UNC45B: variants seen among roughly 807,000 people sequenced by gnomAD.
UNC45B encodes protein unc-45 homolog B.
In UNC45B, 78 loss-of-function variants were observed where a neutral mutation model predicts 98.7. That is an observed-to-expected ratio of 0.79 (90% CI 0.66 to 0.95). UNC45B has a LOEUF of 0.95. Among genes scored for constraint, UNC45B ranks in the 40% least tolerant of loss-of-function variants. The pLI is 0.00. For missense variants in UNC45B, 1,225 were observed against 1,184.9 expected, an observed-to-expected ratio of 1.03 and a Z score of -0.50; for synonymous variants, 462 against 480.4, an observed-to-expected ratio of 0.96 and a Z score of 0.50.
chr17:35,177,449 G>A (rs139799473), intron 16 of UNC45B, 46 bp from the exon 17 acceptor site: 1 of 1,427,362 alleles, frequency 7.0e-7, no homozygotes, highest in Non-Finnish European at 9.6e-7. Context: ...AGGCACTCAG[G>A]GAACAAAGTC....
At chr17:35,157,449 G>A (rs1363930557) in intron 7 of UNC45B, among the ~76,000 whole-genome samples, 1 of 152,040 alleles carries the variant, frequency 6.6e-6, no homozygotes, top group Non-Finnish European at 1.5e-5. Context: ...TGATCCGCCC[G>A]CCTCTGCCTC....
rs527582609 is a variant in UNC45B at position 35,174,465 on chromosome 17, C to T, written c.1958+96C>T. 1.8e-3 allele frequency: 2,754 copies of T among 1,519,262 alleles called. 5 individuals carry two copies. Among genetic ancestry groups the T allele is most frequent in the Middle Eastern group, 5.5e-3 (24 of 4,392 alleles). 94.1% of individuals were successfully genotyped at this position (1,519,262 alleles called of 1,614,324 possible). A position where few individuals can be genotyped will look rare whatever the true frequency, so the allele number is the denominator to read the frequency against. On this transcript the variant is annotated intron_variant, in intron 14 of 19. Transcript: ENST00000394570. ...GCAGGGAGATAGAAATGGTGGGGGC[C>T]TAAATGAGGAGATAAACTATTGGGA...
intron 19 of UNC45B, among the ~76,000 whole-genome samples, chr17:35,184,301 A>C (rs979871405): frequency 6.6e-6 from 1 of 152,204 alleles, no homozygotes; most frequent in Non-Finnish European, 1.5e-5. Flanking sequence ...CTCATCCTGC[A>C]TGGTCTTTGG....
At chr17:35,154,840 C>A in intron 6 of UNC45B, 99 bp downstream of exon 6, 1 of 1,331,498 alleles carries the variant, frequency 7.5e-7, no homozygotes, top group East Asian at 2.7e-5. Flanking sequence ...TCAATGGAAC[C>A]AGATAAAAAG....
rs775569849 is a variant in UNC45B at position 35,177,124 on chromosome 17, G to A, written c.2133G>A (p.Gly711=). 1.2e-6 allele frequency: 2 copies of A among 1,614,078 alleles called. No homozygotes were observed. The highest frequency in any genetic ancestry group is 1.3e-5 in the African/African-American group (1 of 75,022). The change falls in exon 16 of 20, where the codon GGG becomes GGA. Residue 711 remains glycine (G), a synonymous_variant. Coordinates refer to ENST00000394570, the MANE Select transcript of UNC45B (RefSeq NM_001267052.2). ...AVSNPDIAFP[G]ERVYEVVRPL... The stretch of plus-strand genomic sequence containing the variant: ...CCAATCCGGACATTGCTTTTCCTGG[G>A]GAGCGGGTAGGTGCTTGGGTAGATG...
At position 35,155,448 on chromosome 17, in the gene UNC45B, G is replaced by T. The variant is rs753557183; in HGVS notation, c.792G>T (p.Glu264Asp). ...ACAAGCGGGAGCATCGAGGGAAGGA[G>T]GAGGCCCTGGTTCTAGGTAGGAAAC... ...GEDKREHRGKEEALVLDTKKD... is the reference protein window; with the variant it reads ...GEDKREHRGKDEALVLDTKKD... Residue 264 changes from glutamate (E) to aspartate (D), a missense_variant, in exon 7 of 20, where the codon GAG becomes GAT. By Grantham distance (45) the Glu-to-Asp change is conservative. Transcript: ENST00000394570. 7 of 1,614,040 alleles carry T rather than the reference G, an allele frequency of 4.3e-6. No individual in the cohort carries two copies. The African/African-American group carries it at 9.3e-5, about 22-fold the overall frequency.
Position 35,159,329 on chromosome 17 carries a change from G to A in UNC45B, c.809-46G>A, listed in dbSNP as rs1287640582. On this transcript the variant is annotated intron_variant, in intron 7 of 19. Coordinates refer to ENST00000394570, the MANE Select transcript of UNC45B (RefSeq NM_001267052.2). ...CTGCTCTTCTTGGTCATATATATGT[G>A]AGATTTCCTACCCCTCTCTACTTAC... 6.4e-6 allele frequency: 10 copies of A among 1,556,956 alleles called. No individual in the cohort carries two copies. In the East Asian group the frequency reaches 2.3e-4, roughly 35 times the overall value.
rs976481838 is a variant in UNC45B, at chr17:35,169,905, A to G, written c.1521A>G (p.Thr507=). 20 of 1,614,204 alleles carry G rather than the reference A, an allele frequency of 1.2e-5. No individual in the cohort carries two copies. Among genetic ancestry groups the G allele is most frequent in the Non-Finnish European group, 1.5e-5 (18 of 1,180,044 alleles). ...TCAGGCAGTTTGCGGAAGGGTCGAC[A>G]GAAAAACTGGCCAAACAGTGTCGCA... The part of the protein sequence containing the change: ...YGLRQFAEGS[T]EKLAKQCRKW... Residue 507 remains threonine, a synonymous_variant, in exon 11 of 20, where the codon ACA becomes ACG. Transcript: ENST00000394570.
chr17:35,170,383 AT>A, intron 12 of UNC45B, 128 bp downstream of exon 12: 1 of 1,175,592 alleles, frequency 8.5e-7, no homozygotes, highest in Non-Finnish European at 1.1e-6. Context: ...ATGATTGGTT[AT>A]TTCCCCCTTT....
intron 4 of UNC45B, 63 bp downstream of exon 4, chr17:35,150,286 ATGGGTTAGGGAGG>A (rs1597903274): frequency 1.3e-6 from 2 of 1,551,046 alleles, no homozygotes; most frequent in East Asian, 4.5e-5. Flanking sequence ...CCTAGTAGGA[ATGGGTTAGGGAGG>A]TGGGTCATCA....
At position 35,154,652 on chromosome 17, in the gene UNC45B, C is replaced by G; in HGVS notation, c.550C>G (p.Leu184Val). 1.9e-6 allele frequency: 3 copies of G among 1,613,488 alleles called. No individual in the cohort carries two copies. The highest frequency in any genetic ancestry group is 2.5e-6 in the Non-Finnish European group (3 of 1,179,856). Residue 184 changes from leucine (L) to valine (V), a missense_variant, in exon 6 of 20, where the codon CTA becomes GTA. Physicochemically the swap from Leu to Val is conservative, Grantham distance 32 (BLOSUM62 1). Transcript: ENST00000394570. ...CTTCCAGAACAATGGAGTAGCCTTG[C>G]TACTGCAGCTTCTGGACACTAAGAA... ...KIFQNNGVAL[L>V]LQLLDTKKPE... is the part of the protein sequence containing the mutation.
chr17:35,150,946 T>C (rs1049660823), intron 4 of UNC45B, among the ~76,000 whole-genome samples: 1 of 152,074 alleles, frequency 6.6e-6, no homozygotes, highest in African/African-American at 2.4e-5. Context: ...AGATTCTTGC[T>C]TTGTTGCCCA....
At chr17:35,175,060 G>GATGAAAGAAAGAAAGA (rs1491189117) in intron 14 of UNC45B, among the ~76,000 whole-genome samples, 60 of 110,160 alleles carry the variant, frequency 5.4e-4, no homozygotes, top group African/African-American at 1.9e-3. Context: ...AGAAAGGAAA[G>GATGAAAGAAAGAAAGA]AAGAAAGAAA....
At chr17:35,174,905 G>A (rs975198040) in intron 14 of UNC45B, among the ~76,000 whole-genome samples, 38 of 142,406 alleles carry the variant, frequency 2.7e-4, no homozygotes, top group African/African-American at 9.4e-4. Context: ...AAGGAGGGAA[G>A]GGAAAAGAAG....
intron 18 of UNC45B, 57 bp downstream of exon 18, chr17:35,180,733 C>A: frequency 1.4e-6 from 2 of 1,388,996 alleles, no homozygotes; most frequent in Non-Finnish European, 2.0e-6. Flanking sequence ...AGAGGCAGGC[C>A]AGGGTCAGGG....
At chr17:35,152,429 T>A (rs1031972225) in intron 4 of UNC45B, among the ~76,000 whole-genome samples, 9 of 152,040 alleles carry the variant, frequency 5.9e-5, no homozygotes, top group Non-Finnish European at 1.2e-4. Context: ...GGACTAGATA[T>A]CCAAACAAAA....
chr17:35,171,236 G>A (rs1037518843), intron 12 of UNC45B, 86 bp from the exon 13 acceptor site: 14 of 1,544,600 alleles, frequency 9.1e-6, no homozygotes, highest in African/African-American at 8.2e-5. Context: ...CCAACCTGCC[G>A]GCCACGTGAG....
In UNC45B at chr17:35,164,020, G is replaced by A; in HGVS notation, c.1005G>A (p.Val335=). 1 of 1,613,670 alleles carries A rather than the reference G, an allele frequency of 6.2e-7. No homozygotes were observed. Among genetic ancestry groups the A allele is most frequent in the Non-Finnish European group, 8.5e-7 (1 of 1,179,788 alleles). Residue 335 remains valine, a synonymous_variant, in exon 9 of 20, where the codon GTG becomes GTA. Coordinates refer to ENST00000394570, the MANE Select transcript of UNC45B (RefSeq NM_001267052.2). ...DNGLRKILKV[V]GQVPDLPSCL... ...GTCTGAGGAAGATCCTGAAGGTTGT[G>A]GGGCAGGTTCCAGATCTGCCATCCT...
intron 11 of UNC45B, 56 bp downstream of exon 11, chr17:35,169,987 A>G: frequency 6.2e-7 from 1 of 1,612,500 alleles, no homozygotes. Flanking sequence ...TCCGGGCAAG[A>G]GTCTCTGGGG....
Sources: allele counts gnomAD v4.1 joint callset (sites outside exome capture counted in the v4.1 genomes callset), GRCh38; gene constraint gnomAD v4.1.1; transcripts MANE v1.5; gene names NCBI Gene and HGNC (gene_info 2026-07-23, HGNC 2026-07-21).